The following AADAC variants were observed in gnomAD, a reference collection of about 807,000 sequenced individuals.
The protein encoded by AADAC is arylacetamide deacetylase (esterase).
In AADAC, 17 loss-of-function variants were observed where a neutral mutation model predicts 22.7. That is an observed-to-expected ratio of 0.75 (90% confidence interval 0.51 to 1.12). AADAC has a LOEUF of 1.12. Ranked by LOEUF, AADAC falls within the 50% of genes most tolerant of loss-of-function variation. AADAC has a pLI of 0.00. For synonymous variants in AADAC, 167 were observed against 176.3 expected (o/e 0.95, Z 0.42); for missense variants, 465 against 473.9 (o/e 0.98, Z 0.17).
chr3:151,814,311 A>G lies in AADAC; in HGVS notation c.138+11A>G. The G allele has an allele frequency of 6.2e-7, 1 of 1,607,984 alleles. No individual in the cohort carries two copies. Among genetic ancestry groups the G allele is most frequent in the Non-Finnish European group, 8.5e-7 (1 of 1,176,978 alleles). Reference sequence around the variant, plus strand: ...ACTATACAAAATTTGGTAAGTTTGGAATTTTATGAATTCAGATGTGCATAC... The same window carrying G: ...ACTATACAAAATTTGGTAAGTTTGGGATTTTATGAATTCAGATGTGCATAC... On this transcript the variant is annotated intron_variant, in intron 1 of 4. Coordinates refer to ENST00000232892, the MANE Select transcript of AADAC (RefSeq NM_001086.3).
chr3:151,828,190 A>G lies in AADAC; in HGVS notation c.*18A>G. ...ATCTATAGTAAAACATGTAGCTATAACATATTTTAAAAATAAAATCTGAAA... is the reference window on the plus strand; with the variant it reads ...ATCTATAGTAAAACATGTAGCTATAGCATATTTTAAAAATAAAATCTGAAA... On this transcript the variant is annotated 3_prime_UTR_variant, in exon 5 of 5. Coordinates refer to ENST00000232892, the MANE Select transcript of AADAC (RefSeq NM_001086.3). 1 of 1,383,492 alleles carries G rather than the reference A, an allele frequency of 7.2e-7. No individual in the cohort carries two copies. The highest frequency in any genetic ancestry group is 9.6e-7 in the Non-Finnish European group (1 of 1,040,684). 85.7% of individuals were successfully genotyped at this position (1,383,492 alleles called of 1,614,324 possible).
At chr3:151,823,752 T>C (rs935229776) in intron 3 of AADAC, among the ~76,000 whole-genome samples, 1 of 151,944 alleles carries the variant, frequency 6.6e-6, no homozygotes, top group Non-Finnish European at 1.5e-5. Context: ...TTATTATCAA[T>C]AGCACAGGTA....
chr3:151,824,629 A>T, intron 3 of AADAC, 34 bp from the exon 4 acceptor site: 4 of 1,442,068 alleles, frequency 2.8e-6, no homozygotes, highest in Non-Finnish European at 3.7e-6. Context: ...CAAAACAAAC[A>T]AAAAAATGTG....
chr3:151,821,953 A>C (rs999548361), intron 3 of AADAC, among the ~76,000 whole-genome samples: 35 of 151,992 alleles, frequency 2.3e-4, no homozygotes, highest in African/African-American at 8.4e-4. Flanking sequence ...TATTTATGCA[A>C]ATATATGCTT....
At position 151,828,218 on chromosome 3, in the gene AADAC, C is replaced by CT; in HGVS notation, c.*47dup. 7.9e-7 allele frequency: 1 copy of CT among 1,265,540 alleles called. No homozygotes were observed. Among genetic ancestry groups the CT allele is most frequent in the Non-Finnish European group, 1.1e-6 (1 of 950,318 alleles). 78.4% of individuals were successfully genotyped at this position (1,265,540 alleles called of 1,614,324 possible). On this transcript the variant is annotated 3_prime_UTR_variant, in exon 5 of 5. Coordinates refer to ENST00000232892, the MANE Select transcript of AADAC (RefSeq NM_001086.3). ...TATTTTAAAAATAAAATCTGAAAAC[C>CT]TCAGAAAATTTGCATTAGAAATTGG... is the stretch of plus-strand genomic sequence containing the variant.
intron 1 of AADAC, 58 bp from the exon 2 acceptor site, chr3:151,817,308 T>A (rs757482093): frequency 4.8e-6 from 7 of 1,462,642 alleles, no homozygotes; most frequent in Non-Finnish European, 5.7e-6. Flanking sequence ...TATAAGTCCA[T>A]AGATCTCTTT....
intron 2 of AADAC, among the ~76,000 whole-genome samples, chr3:151,818,749 AGTTT>A (rs1425154391): frequency 6.6e-6 from 1 of 152,134 alleles, no homozygotes; most frequent in Non-Finnish European, 1.5e-5. Context: ...GGCTAAACTT[AGTTT>A]ATTTGGCAAG....
chr3:151,820,637 C>T (rs1716211398), intron 3 of AADAC, among the ~76,000 whole-genome samples, 185 bp downstream of exon 3: 1 of 142,008 alleles, frequency 7.0e-6, no homozygotes, highest in Non-Finnish European at 1.5e-5. Flanking sequence ...CATACCTCAG[C>T]CTCCCGAGTA....
intron 3 of AADAC, among the ~76,000 whole-genome samples, chr3:151,821,348 T>C (rs1029344306): frequency 3.3e-5 from 5 of 151,984 alleles, no homozygotes; most frequent in South Asian, 2.1e-4. Flanking sequence ...TGAGTTCATA[T>C]AAAATTATGT....
At chr3:151,819,792 G>A (rs900611347) in intron 2 of AADAC, among the ~76,000 whole-genome samples, 1 of 94,058 alleles carries the variant, frequency 1.1e-5, no homozygotes, top group Non-Finnish European at 2.6e-5. Flanking sequence ...TCTTAGACAA[G>A]AGAAAAAGAG....
At chr3:151,821,523 C>A (rs1716254379) in intron 3 of AADAC, among the ~76,000 whole-genome samples, 1 of 151,822 alleles carries the variant, frequency 6.6e-6, no homozygotes, top group Non-Finnish European at 1.5e-5. Context: ...CAAGTTAAAT[C>A]ATTATTATAA....
chr3:151,820,880 A>T (rs936003210), intron 3 of AADAC, among the ~76,000 whole-genome samples: 1 of 150,072 alleles, frequency 6.7e-6, no homozygotes, highest in Non-Finnish European at 1.5e-5. Context: ...CTCAGATGAC[A>T]CTAAGTAGGC....
chr3:151,820,695 T>TTTTTTTTTTTTTTTTTTTG (rs1369513949), intron 3 of AADAC, among the ~76,000 whole-genome samples: 1 of 91,234 alleles, frequency 1.1e-5, no homozygotes, highest in Admixed American at 1.1e-4. Context: ...TTTTTTTATT[T>TTTTTTTTTTTTTTTTTTTG]TCGGTAGAGA....
intron 1 of AADAC, among the ~76,000 whole-genome samples, chr3:151,816,658 A>C (rs1715998558): frequency 6.6e-6 from 1 of 152,036 alleles, no homozygotes; most frequent in African/African-American, 2.4e-5. Flanking sequence ...CTGAAAGTCA[A>C]CTGACAGGTC....
At chr3:151,826,138 G>A (rs1384745691) in intron 4 of AADAC, among the ~76,000 whole-genome samples, 1 of 151,916 alleles carries the variant, frequency 6.6e-6, no homozygotes, top group African/African-American at 2.4e-5. Context: ...GCTAGAATCT[G>A]TTGGACAATA....
chr3:151,820,522 T>TTTTTG, intron 3 of AADAC, 70 bp downstream of exon 3: 1 of 1,102,200 alleles, frequency 9.1e-7, no homozygotes, highest in Non-Finnish European at 1.2e-6. Context: ...CTTTCTTTTT[T>TTTTTG]TTTTTTTTTT....
At chr3:151,820,316 T>C in intron 2 of AADAC, 67 bp from the exon 3 acceptor site, 1 of 1,205,824 alleles carries the variant, frequency 8.3e-7, no homozygotes. Flanking sequence ...AGGATTTTTG[T>C]GAAGGAAACA....
Position 151,828,305 on chromosome 3 carries a change from C to A in AADAC, c.*133C>A. The A allele has an allele frequency of 2.1e-6, 1 of 467,792 alleles. No homozygotes were observed. 29.0% of individuals were successfully genotyped at this position (467,792 alleles called of 1,614,324 possible). On this transcript the variant is annotated 3_prime_UTR_variant, in exon 5 of 5. Coordinates refer to ENST00000232892, the MANE Select transcript of AADAC (RefSeq NM_001086.3). ...GCATAATTCTTAAATAGGCACTTTT[C>A]TGTTTTTTTTTTCTTACTGTGGGAT...
rs193037150 is a variant in AADAC, at chr3:151,825,383, G to T, written c.603+549G>T. On this transcript the variant is annotated intron_variant, in intron 4 of 4. Coordinates refer to ENST00000232892, the MANE Select transcript of AADAC (RefSeq NM_001086.3). Reference sequence around the variant, plus strand: ...ACTCCAGCCTGGGTGACAGAATAAGGCCCTGTCTCTTAAAAGCATAAAAAA... The same window carrying T: ...ACTCCAGCCTGGGTGACAGAATAAGTCCCTGTCTCTTAAAAGCATAAAAAA... Among the ~76,000 whole-genome samples, 95 of 151,622 alleles carry T rather than the reference G, an allele frequency of 6.3e-4. 3 individuals are homozygous for T. The highest frequency in any genetic ancestry group is 5.9e-4 in the Non-Finnish European group (40 of 67,814).
Sources: allele counts gnomAD v4.1 joint callset (sites outside exome capture counted in the v4.1 genomes callset), GRCh38; gene constraint gnomAD v4.1.1; transcripts MANE v1.5; gene names NCBI Gene and HGNC (gene_info 2026-07-23, HGNC 2026-07-21).